Variants in NAV1 observed in about 807,000 individuals in gnomAD.
The protein encoded by NAV1 is neuron navigator 1.
A neutral mutation model predicts 175.2 loss-of-function variants in NAV1; 18 were observed. That is an observed-to-expected ratio of 0.10 (90% CI 0.07 to 0.15). The LOEUF (loss-of-function observed/expected upper bound fraction) is 0.15, where lower values mean the gene tolerates loss of function less well. Ranked by LOEUF, NAV1 falls within the 10% of genes least tolerant of loss-of-function variation. The probability of loss-of-function intolerance (pLI) is 1.00; values close to 1 mark genes in which losing one functional copy is unlikely to be tolerated. For missense variants in NAV1, 1,731 were observed against 2,436.6 expected (o/e 0.71, Z 6.10); for synonymous variants, 897 against 978.7 (o/e 0.92, Z 1.56).
intron 1 of NAV1, among the ~76,000 whole-genome samples, chr1:201,664,451 A>G (rs1211545371): frequency 1.3e-5 from 2 of 152,250 alleles, no homozygotes; most frequent in Non-Finnish European, 2.9e-5. Flanking sequence ...AATGGGTCAA[A>G]TAATATCTGT....
At chr1:201,722,378 G>A in intron 3 of NAV1, among the ~76,000 whole-genome samples, 1 of 152,292 alleles carries the variant, frequency 6.6e-6, no homozygotes, top group African/African-American at 2.4e-5. Context: ...GTTGTTTAAT[G>A]ACTGGCTTAT....
At chr1:201,721,198 T>C (rs1558097062) in intron 3 of NAV1, among the ~76,000 whole-genome samples, 1 of 152,300 alleles carries the variant, frequency 6.6e-6, no homozygotes, top group East Asian at 1.9e-4. Context: ...GGCATGGCAA[T>C]ATCCATAAAG....
intron 15 of NAV1, chr1:201,795,161 T>C (rs1174592069): frequency 6.6e-6 from 1 of 152,488 alleles, no homozygotes. Flanking sequence ...TTTTCTTTTT[T>C]ATTCCACTAC....
chr1:201,743,068 ATAT>A (rs1673535733), intron 3 of NAV1, among the ~76,000 whole-genome samples: 1 of 152,188 alleles, frequency 6.6e-6, no homozygotes, highest in Admixed American at 6.5e-5. Context: ...TATGAGGTAT[ATAT>A]TATTATCATC....
At chr1:201,540,431 G>A (rs546623856) in intron 1 of NAV1, among the ~76,000 whole-genome samples, 85 of 152,314 alleles carry the variant, frequency 5.6e-4, no homozygotes, top group African/African-American at 2.0e-3. Flanking sequence ...AAAGCAGAGG[G>A]CTTGCCTGGG....
chr1:201,741,035 G>A (rs1224712182), intron 3 of NAV1, among the ~76,000 whole-genome samples: 1 of 152,050 alleles, frequency 6.6e-6, no homozygotes, highest in Non-Finnish European at 1.5e-5. Flanking sequence ...CTGGTGCTGT[G>A]GCCACTCCCA....
At chr1:201,745,028 C>G (rs911038615) in intron 3 of NAV1, among the ~76,000 whole-genome samples, 1 of 152,196 alleles carries the variant, frequency 6.6e-6, no homozygotes, top group Admixed American at 6.5e-5. Context: ...TTTCAGCTGT[C>G]CTTGCCCTTG....
chr1:201,709,005 C>G (rs191736510), intron 1 of NAV1, among the ~76,000 whole-genome samples: 30 of 152,094 alleles, frequency 2.0e-4, no homozygotes, highest in African/African-American at 6.5e-4. Flanking sequence ...AAAAATTAGC[C>G]AGGCGTGATG....
intron 1 of NAV1, among the ~76,000 whole-genome samples, chr1:201,582,175 A>T (rs1382637160): frequency 6.6e-6 from 1 of 152,256 alleles, no homozygotes; most frequent in African/African-American, 2.4e-5. Context: ...GGACACCACA[A>T]ATGAGACTGA....
intron 1 of NAV1, among the ~76,000 whole-genome samples, chr1:201,659,414 A>C (rs981356279): frequency 6.6e-6 from 1 of 152,198 alleles, no homozygotes; most frequent in African/African-American, 2.4e-5. Flanking sequence ...CCAGGAATTC[A>C]AGACCAGTGT....
intron 3 of NAV1, among the ~76,000 whole-genome samples, chr1:201,746,140 A>T (rs943589669): frequency 1.3e-5 from 2 of 152,002 alleles, no homozygotes; most frequent in African/African-American, 4.8e-5. Context: ...GCTTTTAGAC[A>T]TATCTATATA....
At chr1:201,739,764 C>A in intron 3 of NAV1, 1 of 1,206,238 alleles carries the variant, frequency 8.3e-7, no homozygotes, top group African/African-American at 1.6e-5. Flanking sequence ...AGAGCCCGCT[C>A]GCAGCCTGCA....
chr1:201,803,939 T>G, intron 16 of NAV1: 1 of 574,414 alleles, frequency 1.7e-6, no homozygotes, highest in South Asian at 1.6e-5. Context: ...TGCATCTGCT[T>G]TCTTTGGGCT....
chr1:201,608,026 T>C (rs763305701), intron 2 of NAV1, among the ~76,000 whole-genome samples: 40 of 152,032 alleles, frequency 2.6e-4, no homozygotes, highest in Middle Eastern at 3.4e-3. Flanking sequence ...TGTTTTGAGA[T>C]TTTCCAAGTT....
At chr1:201,570,986 G>T (rs753143135) in intron 1 of NAV1, among the ~76,000 whole-genome samples, 2 of 152,184 alleles carry the variant, frequency 1.3e-5, no homozygotes, top group South Asian at 4.1e-4. Context: ...ACCCATTTCC[G>T]CTGTGTCCGC....
intron 2 of NAV1, among the ~76,000 whole-genome samples, chr1:201,596,785 G>C (rs1571838335): frequency 6.6e-6 from 1 of 151,956 alleles, no homozygotes; most frequent in African/African-American, 2.4e-5. Context: ...GGACAAGCAG[G>C]GCGGGTTGTT....
intron 8 of NAV1, among the ~76,000 whole-genome samples, chr1:201,785,788 CTTTTTTTT>C (rs34841837): frequency 1.0e-5 from 1 of 99,568 alleles, no homozygotes; most frequent in African/African-American, 3.9e-5. Context: ...ACTATTGCAA[CTTTTTTTT>C]TTTTTTTTTT....
At chr1:201,712,310 G>C (rs539432485) in intron 1 of NAV1, among the ~76,000 whole-genome samples, 2 of 152,324 alleles carry the variant, frequency 1.3e-5, no homozygotes, top group Admixed American at 6.5e-5. Context: ...AGTGACATCA[G>C]ATTGGTAGAT....
chr1:201,755,421 C>CA (rs1488508146), intron 3 of NAV1, among the ~76,000 whole-genome samples: 5 of 147,502 alleles, frequency 3.4e-5, no homozygotes, highest in African/African-American at 7.6e-5. Flanking sequence ...ACTCTTGTCT[C>CA]AAAAAAAAGA....
Sources: allele counts gnomAD v4.1 joint callset (sites outside exome capture counted in the v4.1 genomes callset), GRCh38; gene constraint gnomAD v4.1.1; transcripts MANE v1.5; gene names NCBI Gene and HGNC (gene_info 2026-07-23, HGNC 2026-07-21).